Variants in UGT1A5 observed in about 807,000 individuals in gnomAD.
UGT1A5 encodes UDP-glucuronosyltransferase 1A5.
A neutral mutation model predicts 40.3 loss-of-function variants in UGT1A5; 29 were observed. The observed-to-expected ratio is 0.72, with a 90% CI of 0.54 to 0.98. The LOEUF (loss-of-function observed/expected upper bound fraction) is 0.98. UGT1A5 is among the 50% of genes least tolerant of loss of function. The pLI is 0.00. For missense variants in UGT1A5, 678 were observed against 677.9 expected, an observed-to-expected ratio of 1.00 and a Z score of 0.00; for synonymous variants, 257 against 262.5, an observed-to-expected ratio of 0.98 and a Z score of 0.20.
chr2:233,725,707 A>G (rs1000435706), intron 1 of UGT1A5, among the ~76,000 whole-genome samples: 2 of 152,208 alleles, frequency 1.3e-5, no homozygotes, highest in Non-Finnish European at 2.9e-5. Flanking sequence ...GTAGTTAGTG[A>G]CTACCATATG....
At chr2:233,717,422 G>T (rs1452030789) in intron 1 of UGT1A5, among the ~76,000 whole-genome samples, 2 of 152,202 alleles carry the variant, frequency 1.3e-5, no homozygotes, top group Non-Finnish European at 2.9e-5. Context: ...CTTGAGCTGG[G>T]TGTCCCTCTG....
intron 1 of UGT1A5, among the ~76,000 whole-genome samples, chr2:233,727,137 A>T (rs1221662096): frequency 6.6e-6 from 1 of 152,174 alleles, no homozygotes; most frequent in Non-Finnish European, 1.5e-5. Context: ...GGGGAACAAG[A>T]CCACACAGGT....
intron 1 of UGT1A5, among the ~76,000 whole-genome samples, chr2:233,748,824 G>A (rs1694036500): frequency 6.6e-6 from 1 of 151,412 alleles, no homozygotes. Context: ...GAAGGGTCTA[G>A]GGAGGAGATA....
chr2:233,729,091 G>C (rs745755811), intron 1 of UGT1A5: 70 of 1,612,484 alleles, frequency 4.3e-5, no homozygotes, highest in Non-Finnish European at 5.1e-5. Flanking sequence ...GGCACAGCGT[G>C]GGGTGGACAG....
At chr2:233,731,639 A>T (rs2078185645) in intron 1 of UGT1A5, among the ~76,000 whole-genome samples, 1 of 152,176 alleles carries the variant, frequency 6.6e-6, no homozygotes, top group Non-Finnish European at 1.5e-5. Flanking sequence ...GCTGCATAGT[A>T]TTCCATGGTG....
At chr2:233,734,623 T>A (rs2078542439) in intron 1 of UGT1A5, among the ~76,000 whole-genome samples, 1 of 152,236 alleles carries the variant, frequency 6.6e-6, no homozygotes, top group African/African-American at 2.4e-5. Flanking sequence ...TGATTTTAGA[T>A]CTTTCCTGCT....
At chr2:233,717,999 T>G (rs1180209049) in intron 1 of UGT1A5, 5 of 416,692 alleles carry the variant, frequency 1.2e-5, no homozygotes, top group Non-Finnish European at 2.4e-5. Flanking sequence ...CTGTGCAAGA[T>G]CTGAGGCCAG....
At chr2:233,718,710 T>C in intron 1 of UGT1A5, 1 of 1,606,198 alleles carries the variant, frequency 6.2e-7, no homozygotes, top group Admixed American at 1.7e-5. Flanking sequence ...TGTCTTCCAA[T>C]TACATGCTGA....
chr2:233,760,168 C>A, intron 1 of UGT1A5: 1 of 1,526,138 alleles, frequency 6.6e-7, no homozygotes, highest in Non-Finnish European at 8.8e-7. Flanking sequence ...CCTTTGTGGA[C>A]TGACAGCTTT....
chr2:233,728,576 A>C (rs913961228), intron 1 of UGT1A5, among the ~76,000 whole-genome samples: 5 of 152,214 alleles, frequency 3.3e-5, no homozygotes, highest in African/African-American at 1.2e-4. Context: ...CCTGGTGCGA[A>C]AAACGACCAA....
At chr2:233,718,073 G>T in intron 1 of UGT1A5, 1 of 345,132 alleles carries the variant, frequency 2.9e-6, no homozygotes, top group South Asian at 2.3e-5. Flanking sequence ...GTCCTTGCTA[G>T]GGTTGTCTTG....
chr2:233,721,754 C>A, intron 1 of UGT1A5: 1 of 457,794 alleles, frequency 2.2e-6, no homozygotes, highest in South Asian at 1.6e-5. Context: ...GAATCTACAT[C>A]TAAATTGTTA....
chr2:233,725,060 G>T (rs969335161), intron 1 of UGT1A5, among the ~76,000 whole-genome samples: 5 of 147,180 alleles, frequency 3.4e-5, no homozygotes, highest in African/African-American at 1.0e-4. Flanking sequence ...GGCGGCGCGC[G>T]CCTGCAATCG....
chr2:233,718,871 G>T (rs1468501233), intron 1 of UGT1A5: 1 of 1,613,900 alleles, frequency 6.2e-7, no homozygotes, highest in Admixed American at 1.7e-5. Context: ...CAGGACTGCT[G>T]CTCCTCCTCA....
chr2:233,755,312 G>A (rs976147893), intron 1 of UGT1A5: 4 of 551,240 alleles, frequency 7.3e-6, no homozygotes, highest in South Asian at 3.7e-5. Flanking sequence ...CACAGCGAGC[G>A]GCAAGGCTGC....
chr2:233,757,130 G>T (rs368401609), intron 1 of UGT1A5, among the ~76,000 whole-genome samples: 1 of 151,410 alleles, frequency 6.6e-6, no homozygotes, highest in Non-Finnish European at 1.5e-5. Context: ...GAGGAGGAAT[G>T]AGCTTGGACA....
At chr2:233,751,021 C>A (rs74787288) in intron 1 of UGT1A5, among the ~76,000 whole-genome samples, 1 of 151,772 alleles carries the variant, frequency 6.6e-6, no homozygotes, top group East Asian at 1.9e-4. Flanking sequence ...AATAGTAGAT[C>A]CAATAGCTTG....
chr2:233,751,324 A>C (rs571504836), intron 1 of UGT1A5, among the ~76,000 whole-genome samples: 1 of 151,882 alleles, frequency 6.6e-6, no homozygotes, highest in East Asian at 1.9e-4. Context: ...CTGTACCCCC[A>C]TTGTGTCTTG....
In UGT1A5 at chr2:233,767,540, C is replaced by T. The variant is rs570115667; in HGVS notation, c.1000-309C>T. Among the ~76,000 whole-genome samples the T allele has an allele frequency of 2.0e-5, 3 of 152,348 alleles. No homozygotes were observed. In the East Asian group the frequency reaches 5.8e-4, roughly 29 times the overall value. On this transcript the variant is annotated intron_variant, in intron 2 of 4. Transcript: ENST00000373414. ...TGAATTTATGTCTTACATTTCTGCT[C>T]TTATAGTTCTGCATCCACTTGTTTC...
Sources: allele counts gnomAD v4.1 joint callset (sites outside exome capture counted in the v4.1 genomes callset), GRCh38; gene constraint gnomAD v4.1.1; transcripts MANE v1.5; gene names NCBI Gene and HGNC (gene_info 2026-07-23, HGNC 2026-07-21).